CXCL13: variants seen among roughly 807,000 people sequenced by gnomAD.
The protein encoded by CXCL13 is C-X-C motif chemokine ligand 13.
CXCL13 carries 7 observed loss-of-function variants against 12.2 expected under a neutral mutation model. The ratio of observed to expected loss-of-function variants is 0.57; its 90% CI spans 0.33 to 1.07. The LOEUF (loss-of-function observed/expected upper bound fraction) is 1.07. Among genes scored for constraint, CXCL13 ranks in the 50% least tolerant of loss-of-function variants. The probability of loss-of-function intolerance (pLI) is 0.04; values close to 1 mark genes in which losing one functional copy is unlikely to be tolerated. For missense variants in CXCL13, 113 were observed against 127.4 expected (o/e 0.89, Z 0.55); for synonymous variants, 47 against 42.4 (o/e 1.11, Z -0.42).
intron 1 of CXCL13, among the ~76,000 whole-genome samples, chr4:77,538,416 G>A (rs1292342434): frequency 1.4e-5 from 2 of 138,326 alleles, no homozygotes; most frequent in Non-Finnish European, 3.1e-5. Context: ...TTTATTCAAT[G>A]TCTTGTCTTT....
intron 1 of CXCL13, among the ~76,000 whole-genome samples, chr4:77,591,550 C>CAAAAAA (rs780283463): frequency 6.2e-5 from 3 of 48,592 alleles, no homozygotes; most frequent in African/African-American, 6.9e-5. Flanking sequence ...GACTCCATCT[C>CAAAAAA]AAAAAAAAAA....
In CXCL13 at chr4:77,570,473, G is replaced by A. The variant is rs927197029; in HGVS notation, c.-42-35351G>A. On this transcript the variant is annotated intron_variant, in intron 1 of 4. Transcript: ENST00000286758. ...GGGCTAGGCATGGTGGCTCATGCCTGTAATCCCAGTGAGAGGTGACAGCAT... is the reference window on the plus strand; with the variant it reads ...GGGCTAGGCATGGTGGCTCATGCCTATAATCCCAGTGAGAGGTGACAGCAT... Among the ~76,000 whole-genome samples the A allele has an allele frequency of 2.0e-5, 3 of 152,226 alleles. 1 individual carries two copies. Among genetic ancestry groups the A allele is most frequent in the South Asian group, 4.1e-4 (2 of 4,836 alleles).
At chr4:77,530,986 G>A (rs180943060) in intron 1 of CXCL13, among the ~76,000 whole-genome samples, 8 of 151,726 alleles carry the variant, frequency 5.3e-5, no homozygotes, top group Non-Finnish European at 7.4e-5. Flanking sequence ...CTTTGTTCTC[G>A]TTGGTTTCAA....
intron 1 of CXCL13, among the ~76,000 whole-genome samples, chr4:77,556,968 G>A (rs956822179): frequency 6.6e-6 from 1 of 152,086 alleles, no homozygotes; most frequent in Non-Finnish European, 1.5e-5. Flanking sequence ...AGTGATTTAT[G>A]ATCGTGCCAC....
intron 1 of CXCL13, among the ~76,000 whole-genome samples, chr4:77,563,683 T>C (rs1023836603): frequency 6.6e-6 from 1 of 152,198 alleles, no homozygotes; most frequent in Non-Finnish European, 1.5e-5. Context: ...AGATGAAAGA[T>C]GAGATTCTAT....
intron 1 of CXCL13, among the ~76,000 whole-genome samples, chr4:77,562,851 C>T (rs1725845544): frequency 6.6e-6 from 1 of 152,124 alleles, no homozygotes; most frequent in African/African-American, 2.4e-5. Context: ...GACCAATCAG[C>T]TCTCTGTAAA....
intron 1 of CXCL13, among the ~76,000 whole-genome samples, chr4:77,591,825 T>C (rs556213727): frequency 3.0e-4 from 46 of 152,344 alleles, no homozygotes; most frequent in African/African-American, 1.1e-3. Context: ...GCACAGTCAC[T>C]GTGCAACTAA....
At chr4:77,558,676 T>C (rs1356709298) in intron 1 of CXCL13, among the ~76,000 whole-genome samples, 1 of 152,146 alleles carries the variant, frequency 6.6e-6, no homozygotes, top group Non-Finnish European at 1.5e-5. Context: ...TCTGTAGGAA[T>C]CAGAGGAAAA....
At chr4:77,610,544 TTTTC>T (rs1727120392) in intron 2 of CXCL13, 66 bp from the exon 3 acceptor site, 1 of 1,228,610 alleles carries the variant, frequency 8.1e-7, no homozygotes, top group East Asian at 2.5e-5. Context: ...TACCAAACTC[TTTTC>T]TTTATTAAAA....
chr4:77,601,037 C>G (rs1393649693), upstream of CXCL13, among the ~76,000 whole-genome samples: 1 of 152,148 alleles, frequency 6.6e-6, no homozygotes, highest in African/African-American at 2.4e-5. Flanking sequence ...TTTTCCTTCC[C>G]GCAAACTGTT....
At chr4:77,573,410 G>GTA (rs1177247974) in intron 1 of CXCL13, among the ~76,000 whole-genome samples, 5 of 117,924 alleles carry the variant, frequency 4.2e-5, no homozygotes, top group Non-Finnish European at 5.4e-5. Context: ...GTGTGTGTGT[G>GTA]TATGTCTAAA....
chr4:77,588,459 TC>T (rs1167282552), intron 1 of CXCL13, among the ~76,000 whole-genome samples: 4 of 152,238 alleles, frequency 2.6e-5, no homozygotes, highest in African/African-American at 9.6e-5. Flanking sequence ...ATTGCTGCCT[TC>T]ATATCTGTGT....
intron 1 of CXCL13, among the ~76,000 whole-genome samples, chr4:77,543,544 A>G (rs1596231): frequency 0.5 from 75,492 of 151,790 alleles, 21,779 homozygotes; most frequent in African/African-American, 0.81. Flanking sequence ...AGAGATTTTC[A>G]TTGTGTCTCT....
chr4:77,572,348 C>T (rs1225408724), intron 1 of CXCL13, among the ~76,000 whole-genome samples: 1 of 151,822 alleles, frequency 6.6e-6, no homozygotes, highest in African/African-American at 2.4e-5. Context: ...TTGCAGTGAG[C>T]CAAGACTTTG....
At chr4:77,542,294 A>T (rs1725223212) in intron 1 of CXCL13, among the ~76,000 whole-genome samples, 1 of 152,150 alleles carries the variant, frequency 6.6e-6, no homozygotes, top group Admixed American at 6.5e-5. Context: ...GCCAGTTCTC[A>T]AGGGGAATGC....
chr4:77,564,809 C>A (rs1482247127), intron 1 of CXCL13, among the ~76,000 whole-genome samples: 1 of 152,088 alleles, frequency 6.6e-6, no homozygotes, highest in African/African-American at 2.4e-5. Context: ...AGATATTGTG[C>A]GGAAAGGACC....
At chr4:77,605,257 G>C (rs533284169), upstream of CXCL13, among the ~76,000 whole-genome samples, 21 of 152,242 alleles carry the variant, frequency 1.4e-4, no homozygotes, top group Non-Finnish European at 1.2e-4. Context: ...GATTATATAA[G>C]TAATCATATA....
intron 1 of CXCL13, among the ~76,000 whole-genome samples, chr4:77,571,178 A>G (rs1275925775): frequency 1.3e-5 from 2 of 151,878 alleles, no homozygotes; most frequent in Non-Finnish European, 2.9e-5. Flanking sequence ...GGGATTGTAA[A>G]CACACCAATC....
In CXCL13 at chr4:77,609,397, C is replaced by T. The variant is rs548231650; in HGVS notation, c.198-1217C>T. Among the ~76,000 whole-genome samples the T allele has an allele frequency of 5.9e-5, 9 of 152,194 alleles. No homozygotes were observed. The East Asian group carries it at 1.5e-3, about 26-fold the overall frequency. ...GCACAGTCATGGCTCACTGCAGCCT[C>T]AACCTCCTGGGTTCAAGCAAGCCTC... is the stretch of plus-strand genomic sequence containing the variant. On this transcript the variant is annotated intron_variant, in intron 2 of 3. Coordinates refer to ENST00000682537, the MANE Select transcript of CXCL13 (RefSeq NM_001371558.1).
Sources: allele counts gnomAD v4.1 joint callset (sites outside exome capture counted in the v4.1 genomes callset), GRCh38; gene constraint gnomAD v4.1.1; transcripts MANE v1.5; gene names NCBI Gene and HGNC (gene_info 2026-07-23, HGNC 2026-07-21).